The following FER1L6 variants were observed in gnomAD, a reference collection of about 807,000 sequenced individuals.
The protein encoded by FER1L6 is fer-1 like family member 6, also known as fer-1-like protein 6.
In FER1L6, 177 loss-of-function variants were observed where a neutral mutation model predicts 219.2. That is an observed-to-expected ratio of 0.81 (90% CI 0.71 to 0.91). The LOEUF is 0.91. Among genes scored for constraint, FER1L6 ranks in the 40% least tolerant of loss-of-function variants. The pLI is 0.00. For synonymous variants in FER1L6, 768 were observed against 824.3 expected (o/e 0.93, Z 1.17); for missense variants, 2,153 against 2,259.9 (o/e 0.95, Z 0.96).
chr8:124,024,445 C>T (rs1818617530), intron 18 of FER1L6, among the ~76,000 whole-genome samples: 1 of 145,426 alleles, frequency 6.9e-6, no homozygotes, highest in South Asian at 2.3e-4. Flanking sequence ...TAAGTGAGAA[C>T]ATACAGTATT....
chr8:123,933,883 A>C (rs1004052822), intron 1 of FER1L6, among the ~76,000 whole-genome samples: 3 of 152,006 alleles, frequency 2.0e-5, no homozygotes, highest in African/African-American at 7.3e-5. Context: ...GCATTTCAAG[A>C]TAGAGTAATA....
At chr8:124,012,775 G>C (rs550873836) in intron 14 of FER1L6, among the ~76,000 whole-genome samples, 10 of 152,310 alleles carry the variant, frequency 6.6e-5, no homozygotes, top group African/African-American at 1.9e-4. Flanking sequence ...ACGAGACTTT[G>C]GGATATGGTA....
chr8:123,942,331 A>T (rs1814274460), intron 1 of FER1L6, among the ~76,000 whole-genome samples: 1 of 151,986 alleles, frequency 6.6e-6, no homozygotes. Flanking sequence ...CCAGCACCAT[A>T]CCTAAAACAC....
intron 1 of FER1L6, among the ~76,000 whole-genome samples, chr8:123,884,378 CCA>C (rs1160895499): frequency 2.2e-4 from 34 of 152,318 alleles, no homozygotes; most frequent in Non-Finnish European, 4.6e-4. Context: ...GCTCTGAGAT[CCA>C]CACAGGTCCT....
chr8:124,011,818 A>G (rs534566094), intron 14 of FER1L6, among the ~76,000 whole-genome samples: 34 of 152,260 alleles, frequency 2.2e-4, no homozygotes, highest in African/African-American at 7.5e-4. Flanking sequence ...ACCTCTTATC[A>G]TACTTTACAA....
intron 12 of FER1L6, among the ~76,000 whole-genome samples, chr8:123,998,373 ACTCTCTCTCTCTCT>A (rs746709688): frequency 6.2e-3 from 201 of 32,480 alleles, no homozygotes; most frequent in South Asian, 0.024. Context: ...AAAGAGGGAA[ACTCTCTCTCTCTCT>A]CTCTCTCTCT....
chr8:124,064,410 C>T lies in FER1L6; in HGVS notation c.3392C>T (p.Pro1131Leu), dbSNP rs932853294. ...GCCCACAGCTCCTCCCAGGATCCCC[C>T]AGCAGATCACATTTATGTGGATGTT... ...SGAHSSSQDP[P>L]ADHIYVDVEP... The change falls in exon 26 of 41, where the codon CCA becomes CTA. Residue 1131 changes from proline to leucine, a missense_variant. Pro to Leu is a moderately conservative substitution (Grantham distance 98). Coordinates refer to ENST00000522917, the MANE Select transcript of FER1L6 (RefSeq NM_001039112.2). 1.2e-6 allele frequency: 2 copies of T among 1,613,714 alleles called. No individual in the cohort carries two copies. The highest frequency in any genetic ancestry group is 1.7e-6 in the Non-Finnish European group (2 of 1,179,884).
At chr8:124,090,477 A>G (rs1327568586) in intron 33 of FER1L6, among the ~76,000 whole-genome samples, 5 of 152,192 alleles carry the variant, frequency 3.3e-5, no homozygotes, top group Non-Finnish European at 5.9e-5. Flanking sequence ...ATTCACTGAA[A>G]AGTTTTTAAA....
chr8:124,025,837 A>G (rs1818684388), intron 18 of FER1L6, among the ~76,000 whole-genome samples: 1 of 93,272 alleles, frequency 1.1e-5, no homozygotes, highest in South Asian at 2.8e-4. Context: ...TGTTTGTGTC[A>G]TCTATGATTC....
At chr8:124,038,910 C>T (rs750335075) in intron 19 of FER1L6, among the ~76,000 whole-genome samples, 2 of 152,078 alleles carry the variant, frequency 1.3e-5, no homozygotes, top group African/African-American at 2.4e-5. Flanking sequence ...TGGGGGAGTC[C>T]GTGAAATGGG....
At chr8:124,119,018 G>A in intron 40 of FER1L6, 74 bp downstream of exon 40, 1 of 1,265,038 alleles carries the variant, frequency 7.9e-7, no homozygotes, top group African/African-American at 1.5e-5. Context: ...TCTGATAATG[G>A]CATTTCTTTA....
chr8:124,067,714 C>T, intron 27 of FER1L6, 53 bp from the exon 28 acceptor site: 2 of 1,452,134 alleles, frequency 1.4e-6, no homozygotes, highest in South Asian at 2.3e-5. Flanking sequence ...TGTTAGCAGT[C>T]AATTAATAAA....
At chr8:123,879,185 TC>T (rs1460719506) in intron 1 of FER1L6, among the ~76,000 whole-genome samples, 1 of 152,138 alleles carries the variant, frequency 6.6e-6, no homozygotes, top group East Asian at 1.9e-4. Flanking sequence ...GCTCCCATAG[TC>T]CTAGCTCTCC....
chr8:123,976,198 G>T (rs1188577558), intron 9 of FER1L6, 114 bp downstream of exon 9: 2 of 941,346 alleles, frequency 2.1e-6, no homozygotes, highest in Non-Finnish European at 3.1e-6. Flanking sequence ...GAAAGCAAAA[G>T]CTTGTTACAA....
chr8:123,975,917 G>T lies in FER1L6; in HGVS notation c.703G>T (p.Gly235Trp). 1.2e-6 allele frequency: 2 copies of T among 1,603,360 alleles called. No individual in the cohort carries two copies. Among genetic ancestry groups the T allele is most frequent in the Non-Finnish European group, 1.7e-6 (2 of 1,174,540 alleles). Residue 235 changes from glycine to tryptophan, a missense_variant, in exon 9 of 41, where the codon GGG becomes TGG. Coordinates refer to ENST00000522917, the MANE Select transcript of FER1L6 (RefSeq NM_001039112.2). Reference sequence around the variant, plus strand: ...TCTAAGGAACCTTTTGATCCCCAATGGGTTTCCACTGGAGAGACCGTGGGC... The same window carrying T: ...TCTAAGGAACCTTTTGATCCCCAATTGGTTTCCACTGGAGAGACCGTGGGC... ...PIEKNLLIPN[G>W]FPLERPWARF...
At chr8:124,116,550 C>G (rs572908420) in intron 39 of FER1L6, among the ~76,000 whole-genome samples, 17 of 152,234 alleles carry the variant, frequency 1.1e-4, no homozygotes, top group African/African-American at 3.9e-4. Context: ...AAAGGGCATG[C>G]ATGAAACACC....
At chr8:123,956,855 A>G (rs992094281) in intron 2 of FER1L6, among the ~76,000 whole-genome samples, 1 of 152,148 alleles carries the variant, frequency 6.6e-6, no homozygotes, top group African/African-American at 2.4e-5. Flanking sequence ...CTGCTCTTAG[A>G]ATGGGATACC....
chr8:124,087,710 T>C (rs1360927736), intron 33 of FER1L6, among the ~76,000 whole-genome samples: 2 of 152,134 alleles, frequency 1.3e-5, no homozygotes, highest in East Asian at 3.9e-4. Context: ...TTTGTACCCA[T>C]CCTTTTTGGG....
At chr8:123,964,828 T>G (rs1201659627) in intron 3 of FER1L6, among the ~76,000 whole-genome samples, 3 of 152,202 alleles carry the variant, frequency 2.0e-5, no homozygotes, top group Admixed American at 6.5e-5. Context: ...AAGACTTTTT[T>G]TCTCAACAGC....
Sources: allele counts gnomAD v4.1 joint callset (sites outside exome capture counted in the v4.1 genomes callset), GRCh38; gene constraint gnomAD v4.1.1; transcripts MANE v1.5; gene names NCBI Gene and HGNC (gene_info 2026-07-23, HGNC 2026-07-21).